SASH1: variants seen among roughly 807,000 people sequenced by gnomAD.
The protein encoded by SASH1 is SAM and SH3 domain containing 1, also known as SAM and SH3 domain-containing protein 1.
A neutral mutation model predicts 125.2 loss-of-function variants in SASH1; 44 were observed. The observed-to-expected ratio is 0.35, with a 90% confidence interval of 0.28 to 0.45. SASH1 has a LOEUF of 0.45. SASH1 is among the 20% of genes least tolerant of loss of function. SASH1 has a pLI of 1.00. For missense variants in SASH1, 1,426 were observed against 1,614.5 expected (o/e 0.88, Z 2.00); for synonymous variants, 639 against 649.1 (o/e 0.98, Z 0.24).
chr6:148,402,232 C>G (rs1784197037), intron 2 of SASH1, among the ~76,000 whole-genome samples: 1 of 152,070 alleles, frequency 6.6e-6, no homozygotes, highest in South Asian at 2.1e-4. Context: ...AAAGTACTGC[C>G]AAAAACTAAA....
chr6:148,508,078 A>G (rs11155573), intron 8 of SASH1, among the ~76,000 whole-genome samples: 2 of 152,142 alleles, frequency 1.3e-5, no homozygotes, highest in African/African-American at 4.8e-5. Flanking sequence ...TCTAGAATGC[A>G]GGAGAACTCG....
chr6:148,439,609 T>C (rs1293267304), intron 2 of SASH1, among the ~76,000 whole-genome samples: 1 of 151,946 alleles, frequency 6.6e-6, no homozygotes, highest in African/African-American at 2.4e-5. Flanking sequence ...AAATCCCATC[T>C]CTACTAAAAA....
Position 148,537,774 on chromosome 6 carries a change from T to TTC in SASH1, c.2096-2667_2096-2666dup, listed in dbSNP as rs1191623912. Among the ~76,000 whole-genome samples the TTC allele has an allele frequency of 7.2e-5, 8 of 110,832 alleles. No homozygotes were observed. In the South Asian group the frequency reaches 2.0e-3, roughly 28 times the overall value. 72.7% of individuals were successfully genotyped at this position (110,832 alleles called of 152,430 possible). A position where few individuals can be genotyped will look rare whatever the true frequency, so the allele number is the denominator to read the frequency against. On this transcript the variant is annotated intron_variant, in intron 16 of 19. Coordinates refer to ENST00000367467, the MANE Select transcript of SASH1 (RefSeq NM_015278.5). ...GAATATTCATAGGTGTCTTAGCATATTCTGTGTGTGTGTGTGTGTGTGTGT... is the reference window on the plus strand; with the variant it reads ...GAATATTCATAGGTGTCTTAGCATATTCTCTGTGTGTGTGTGTGTGTGTGTGT...
At chr6:148,363,876 A>G (rs1192685211) in intron 1 of SASH1, among the ~76,000 whole-genome samples, 1 of 152,142 alleles carries the variant, frequency 6.6e-6, no homozygotes, top group Non-Finnish European at 1.5e-5. Context: ...GAGAAAATGG[A>G]AACCACTTAT....
At chr6:148,538,610 C>T (rs145679334) in intron 16 of SASH1, among the ~76,000 whole-genome samples, 46 of 152,252 alleles carry the variant, frequency 3.0e-4, no homozygotes, top group Non-Finnish European at 6.0e-4. Context: ...GAGGGACTTA[C>T]GCTGCCACGA....
In SASH1 at chr6:148,529,261, C is replaced by G. The variant is rs1781372649; in HGVS notation, c.1428+1665C>G. ...GATAGAGGCCAGGGACGCTGCCAAA[C>G]ATCTTAGCATGCACAGGACGGTCTG... On this transcript the variant is annotated intron_variant, in intron 12 of 19. Coordinates refer to ENST00000367467, the MANE Select transcript of SASH1 (RefSeq NM_015278.5). This position sits in a 1 kb window ranked among gnomAD's most constrained non-coding sequence, Gnocchi z 4.2. Among the ~76,000 whole-genome samples the G allele has an allele frequency of 6.6e-6, 1 of 152,202 alleles. No individual in the cohort carries two copies. The highest frequency in any genetic ancestry group is 6.5e-5 in the Admixed American group (1 of 15,280).
intron 2 of SASH1, among the ~76,000 whole-genome samples, chr6:148,426,992 C>T (rs1425918214): frequency 6.6e-6 from 1 of 152,030 alleles, no homozygotes; most frequent in East Asian, 1.9e-4. Context: ...TATATATATA[C>T]ATGCTCAGTG....
rs926005814 is a variant in SASH1, at chr6:148,481,013, A to G, written c.628-6601A>G. 2.0e-5 allele frequency among the ~76,000 whole-genome samples: 3 copies of G among 151,448 alleles called. 1 individual carries two copies. The highest frequency in any genetic ancestry group is 4.4e-5 in the Non-Finnish European group (3 of 67,820). ...ATGCTTTAAGGAAGTCGAGCTCATT[A>G]GTAAAAATGTTGCTTAGGGAGATCT... On this transcript the variant is annotated intron_variant, in intron 7 of 19. Transcript: ENST00000367467.
chr6:148,318,565 T>G (rs943058078), intron 1 of SASH1, among the ~76,000 whole-genome samples: 3 of 151,746 alleles, frequency 2.0e-5, no homozygotes, highest in Admixed American at 6.6e-5. Flanking sequence ...TTTTTTTTTT[T>G]TTTTTGAGAC....
intron 1 of SASH1, among the ~76,000 whole-genome samples, chr6:148,325,640 A>G (rs922142405): frequency 6.6e-6 from 1 of 152,082 alleles, no homozygotes; most frequent in Non-Finnish European, 1.5e-5. Context: ...GCACGGAGGT[A>G]ACCACCCCCA....
At chr6:148,207,378 G>A in the SASH1 span, among the ~76,000 whole-genome samples, 1 of 152,142 alleles carries the variant, frequency 6.6e-6, no homozygotes, top group East Asian at 1.9e-4. Context: ...CACACTGAAC[G>A]GGGCAGCTCT....
At chr6:148,341,797 C>A (rs1353976677), upstream of SASH1, among the ~76,000 whole-genome samples, 1 of 152,076 alleles carries the variant, frequency 6.6e-6, no homozygotes, top group Non-Finnish European at 1.5e-5. Context: ...AACCACAAGG[C>A]CCTAACAGAG....
intron 1 of SASH1, among the ~76,000 whole-genome samples, chr6:148,351,204 T>G (rs1003669200): frequency 6.6e-6 from 1 of 151,492 alleles, no homozygotes; most frequent in African/African-American, 2.4e-5. Context: ...TTTTTTTTTT[T>G]TTTTTTTTTT....
the SASH1 span, among the ~76,000 whole-genome samples, chr6:148,217,910 G>A: frequency 6.6e-6 from 1 of 151,244 alleles, no homozygotes; most frequent in Non-Finnish European, 1.5e-5. Flanking sequence ...AGCTACTGGA[G>A]AGGCTGAGGC....
intron 8 of SASH1, among the ~76,000 whole-genome samples, chr6:148,490,394 G>A (rs899376248): frequency 2.0e-5 from 3 of 152,012 alleles, no homozygotes; most frequent in African/African-American, 7.2e-5. Context: ...TTTTTTAGTA[G>A]AGACAGGGTT....
chr6:148,281,157 C>T (rs977674564), intron 1 of SASH1, among the ~76,000 whole-genome samples: 61 of 143,820 alleles, frequency 4.2e-4, no homozygotes, highest in African/African-American at 1.4e-3. Flanking sequence ...AGGGTTTCAC[C>T]GTGTTGGCCA....
intron 16 of SASH1, among the ~76,000 whole-genome samples, chr6:148,535,890 A>G (rs1432213669): frequency 6.6e-6 from 1 of 152,184 alleles, no homozygotes; most frequent in African/African-American, 2.4e-5. Context: ...GGTGGAAAAA[A>G]GAATTATACA....
chr6:148,308,274 G>GCCCCC (rs10693455), intron 1 of SASH1, among the ~76,000 whole-genome samples: 1 of 149,936 alleles, frequency 6.7e-6, no homozygotes, highest in African/African-American at 2.5e-5. Flanking sequence ...TATTAAATCC[G>GCCCCC]CCCCCCCCAA....
the SASH1 span, among the ~76,000 whole-genome samples, chr6:148,222,117 C>G: frequency 2.0e-5 from 3 of 152,076 alleles, no homozygotes; most frequent in Non-Finnish European, 4.4e-5. Context: ...GTGTGGGGCA[C>G]CTTTGCTTTT....
Sources: allele counts gnomAD v4.1 joint callset (sites outside exome capture counted in the v4.1 genomes callset), GRCh38; gene constraint gnomAD v4.1.1; non-coding constraint Gnocchi (gnomAD v3.1); transcripts MANE v1.5; gene names NCBI Gene and HGNC (gene_info 2026-07-23, HGNC 2026-07-21).